The following VSTM2L variants were observed in gnomAD, a reference collection of about 807,000 sequenced individuals.
VSTM2L encodes V-set and transmembrane domain containing 2 like, also known as V-set and transmembrane domain-containing protein 2-like protein.
In VSTM2L, 9 loss-of-function variants were observed where a neutral mutation model predicts 19.9. That is an observed-to-expected ratio of 0.45 (90% CI 0.27 to 0.79). VSTM2L has a LOEUF of 0.79. Ranked by LOEUF, VSTM2L falls within the 30% of genes least tolerant of loss-of-function variation. The pLI, the probability that VSTM2L is intolerant of heterozygous loss-of-function variation, is 0.15. For synonymous variants in VSTM2L, 127 were observed against 133.8 expected (o/e 0.95, Z 0.35); for missense variants, 286 against 295.5 (o/e 0.97, Z 0.24).
intron 3 of VSTM2L, among the ~76,000 whole-genome samples, chr20:37,936,950 G>A (rs527822462): frequency 3.9e-5 from 6 of 152,034 alleles, no homozygotes; most frequent in East Asian, 3.8e-4. Context: ...GATGCTGGGC[G>A]CAGTGCACAC....
chr20:37,926,085 G>A (rs2072877713), intron 1 of VSTM2L, among the ~76,000 whole-genome samples: 1 of 152,160 alleles, frequency 6.6e-6, no homozygotes, highest in Non-Finnish European at 1.5e-5. Context: ...TTTTGAGATG[G>A]AGTTTCGCTC....
intron 1 of VSTM2L, among the ~76,000 whole-genome samples, chr20:37,908,941 C>T (rs1270281695): frequency 2.6e-5 from 4 of 152,180 alleles, no homozygotes; most frequent in South Asian, 2.1e-4. Flanking sequence ...AAGACTGTTT[C>T]GGGCCCACTG....
intron 3 of VSTM2L, among the ~76,000 whole-genome samples, chr20:37,934,514 C>T (rs563913930): frequency 4.6e-5 from 7 of 152,290 alleles, no homozygotes; most frequent in Admixed American, 1.3e-4. Context: ...TATGAATGTG[C>T]GTGTGTGCGT....
At chr20:37,928,914 C>T (rs1301509175) in intron 1 of VSTM2L, among the ~76,000 whole-genome samples, 5 of 152,230 alleles carry the variant, frequency 3.3e-5, no homozygotes, top group Non-Finnish European at 4.4e-5. Flanking sequence ...TTTATGTTTA[C>T]ATGAATTAAA....
chr20:37,939,195 A>T (rs1172443883), intron 3 of VSTM2L, among the ~76,000 whole-genome samples: 5 of 152,156 alleles, frequency 3.3e-5, no homozygotes, highest in Non-Finnish European at 7.3e-5. Context: ...GCTTGAGCCC[A>T]GGAGTTCAAG....
At chr20:37,913,788 A>G (rs1475211384) in intron 1 of VSTM2L, among the ~76,000 whole-genome samples, 1 of 152,170 alleles carries the variant, frequency 6.6e-6, no homozygotes, top group Admixed American at 6.5e-5. Context: ...ATGTGCATGT[A>G]TTTAGAAAAG....
At chr20:37,935,984 G>A (rs115887288) in intron 3 of VSTM2L, among the ~76,000 whole-genome samples, 1,625 of 150,874 alleles carry the variant, frequency 0.011, 31 homozygotes, top group African/African-American at 0.038. Context: ...TCCTGAGTTC[G>A]AGAAATTCTC....
chr20:37,943,448 T>A (rs1370629127), intron 3 of VSTM2L, among the ~76,000 whole-genome samples: 4 of 125,032 alleles, frequency 3.2e-5, no homozygotes, highest in African/African-American at 9.0e-5. Context: ...TTTTTTTTTT[T>A]AGGAAATGTA....
At chr20:37,903,948 C>T (rs1256937229) in intron 1 of VSTM2L, among the ~76,000 whole-genome samples, 2 of 152,142 alleles carry the variant, frequency 1.3e-5, no homozygotes, top group African/African-American at 2.4e-5. Flanking sequence ...CTGGTGCGCG[C>T]GCGCGCACAC....
chr20:37,929,585 T>C (rs922920035), intron 1 of VSTM2L, among the ~76,000 whole-genome samples: 1 of 152,162 alleles, frequency 6.6e-6, no homozygotes, highest in African/African-American at 2.4e-5. Context: ...GGATGATTTA[T>C]GTTTTGTCAA....
chr20:37,915,334 G>C (rs2072812254), intron 1 of VSTM2L, among the ~76,000 whole-genome samples: 1 of 152,152 alleles, frequency 6.6e-6, no homozygotes, highest in African/African-American at 2.4e-5. Context: ...TTCCCTCCCA[G>C]GCTCTGGGAA....
chr20:37,919,894 A>C (rs2072841004), intron 1 of VSTM2L, among the ~76,000 whole-genome samples: 1 of 152,174 alleles, frequency 6.6e-6, no homozygotes, highest in Admixed American at 6.5e-5. Context: ...TTCCTCTGTG[A>C]AATGGGGCTG....
At chr20:37,940,459 C>T (rs2072965752) in intron 3 of VSTM2L, among the ~76,000 whole-genome samples, 1 of 152,250 alleles carries the variant, frequency 6.6e-6, no homozygotes, top group African/African-American at 2.4e-5. Context: ...GAAGATCAGG[C>T]TCCCTGCTGC....
rs1290877193 is a variant in VSTM2L at position 37,945,226 on chromosome 20, C to T, written c.*973C>T. ...GGAATTGGCTGGCACCTCTGGCTGC[C>T]GCAGCTCAGTGATGACGTGGGGGAG... On this transcript the variant is annotated 3_prime_UTR_variant, in exon 4 of 4. Transcript: ENST00000373461. 17 of 985,376 alleles carry T rather than the reference C, an allele frequency of 1.7e-5. No homozygotes were observed. The highest frequency in any genetic ancestry group is 6.2e-5 in the Admixed American group (1 of 16,260). The allele number at this position is 985,376 out of a possible 1,614,324, so 61.0% of individuals were successfully genotyped here. A position where few individuals can be genotyped will look rare whatever the true frequency, so the allele number is the denominator to read the frequency against.
intron 3 of VSTM2L, among the ~76,000 whole-genome samples, chr20:37,938,767 G>C (rs1203412126): frequency 6.6e-6 from 1 of 152,222 alleles, no homozygotes; most frequent in Non-Finnish European, 1.5e-5. Context: ...CCCTTTCTTC[G>C]TGGGCTCTCC....
At chr20:37,942,479 A>C (rs1399875560) in intron 3 of VSTM2L, among the ~76,000 whole-genome samples, 1 of 152,216 alleles carries the variant, frequency 6.6e-6, no homozygotes, top group Non-Finnish European at 1.5e-5. Context: ...CTCTGTCTCA[A>C]ACAAACAAAC....
intron 1 of VSTM2L, among the ~76,000 whole-genome samples, chr20:37,930,832 C>T (rs12480674): frequency 6.6e-6 from 1 of 151,958 alleles, no homozygotes; most frequent in Non-Finnish European, 1.5e-5. Flanking sequence ...ATCCGCCGAG[C>T]AGCTGCTCTG....
chr20:37,925,893 C>T (rs1384540493), intron 1 of VSTM2L, among the ~76,000 whole-genome samples: 2 of 152,198 alleles, frequency 1.3e-5, no homozygotes, highest in Non-Finnish European at 2.9e-5. Context: ...ACCTAGCCTA[C>T]TGGGGCTAAG....
At chr20:37,915,764 TG>T (rs2072814940) in intron 1 of VSTM2L, among the ~76,000 whole-genome samples, 1 of 151,176 alleles carries the variant, frequency 6.6e-6, no homozygotes, top group Non-Finnish European at 1.5e-5. Context: ...AGGTCCTGGG[TG>T]GGGGGTCAGG....
Sources: gnomAD v4.1 joint callset for allele counts (sites outside exome capture counted in the v4.1 genomes callset) on GRCh38, gnomAD v4.1.1 for gene constraint, MANE v1.5 for transcripts, NCBI Gene and HGNC (gene_info 2026-07-23, HGNC 2026-07-21) for gene names.